The following LAMA2 variants were observed in gnomAD, a reference collection of about 807,000 sequenced individuals.
LAMA2 encodes the protein laminin subunit alpha 2.
LAMA2 carries 269 observed loss-of-function variants against 364.8 expected under a neutral mutation model. The observed-to-expected ratio is 0.74, with a 90% confidence interval of 0.67 to 0.82. The LOEUF is 0.82. Among genes scored for constraint, LAMA2 ranks in the 40% least tolerant of loss-of-function variants. The pLI, the probability that LAMA2 is intolerant of heterozygous loss-of-function variation, is 0.00. For synonymous variants in LAMA2, 1,379 were observed against 1,370.6 expected, an observed-to-expected ratio of 1.01 and a Z score of -0.14; for missense variants, 3,807 against 3,873.2, an observed-to-expected ratio of 0.98 and a Z score of 0.45.
intron 4 of LAMA2, among the ~76,000 whole-genome samples, chr6:129,126,163 T>G (rs1777105003): frequency 6.6e-6 from 1 of 152,174 alleles, no homozygotes; most frequent in African/African-American, 2.4e-5. Context: ...TACACATTAT[T>G]AAATGAACTA....
chr6:129,414,141 C>A (rs1349886944), intron 40 of LAMA2, among the ~76,000 whole-genome samples: 1 of 151,938 alleles, frequency 6.6e-6, no homozygotes, highest in African/African-American at 2.4e-5. Flanking sequence ...GTGAAGTAAA[C>A]AGTAAGTTTA....
At position 129,192,039 on chromosome 6, in the gene LAMA2, C is replaced by A. The variant is rs139834860; in HGVS notation, c.1609-641C>A. On this transcript the variant is annotated intron_variant, in intron 11 of 64. Transcript: ENST00000421865. ...CAGGGATCTAGGCTGTAGGTCCCCA[C>A]AGCACTTCTGACCCTATCTGAAGGA... Among the ~76,000 whole-genome samples, 637 of 152,340 alleles carry A rather than the reference C, an allele frequency of 4.2e-3. 8 individuals carry two copies. The highest frequency in any genetic ancestry group is 0.013 in the African/African-American group (540 of 41,572).
chr6:129,112,895 T>C (rs1316222970), intron 4 of LAMA2, among the ~76,000 whole-genome samples: 2 of 151,970 alleles, frequency 1.3e-5, no homozygotes, highest in Non-Finnish European at 2.9e-5. Flanking sequence ...AGAGGCTGCT[T>C]GTACCAAACT....
In LAMA2 at chr6:129,165,589, A is replaced by G; in HGVS notation, c.1220A>G (p.Tyr407Cys). Reference protein sequence around the residue: ...FFRPKGVSPNYPRPCQPCHCD... With the variant: ...FFRPKGVSPNCPRPCQPCHCD... ...TATTTTTGTTAGGTATCTCCAAATT[A>G]TCCAAGGCCATGCCAGCCATGTCAT... Residue 407 changes from tyrosine (Y) to cysteine (C), a missense_variant, in exon 9 of 65, where the codon TAT becomes TGT. Physicochemically the swap from Tyr to Cys is radical, Grantham distance 194 (BLOSUM62 -2). Around this residue, in one of 3 missense-constraint regions of LAMA2, gnomAD observed 80 missense variants for 124.0 expected, o/e 0.65. Coordinates refer to ENST00000421865, the MANE Select transcript of LAMA2 (RefSeq NM_000426.4). 1 of 1,611,068 alleles carries G rather than the reference A, an allele frequency of 6.2e-7. No individual in the cohort carries two copies. Among genetic ancestry groups the G allele is most frequent in the South Asian group, 1.1e-5 (1 of 90,876 alleles).
chr6:129,054,164 A>T (rs1238586792), intron 2 of LAMA2, among the ~76,000 whole-genome samples: 1 of 152,204 alleles, frequency 6.6e-6, no homozygotes, highest in East Asian at 1.9e-4. Context: ...CTGCTGAGGA[A>T]AGAAGCAAAC....
Position 128,980,095 on chromosome 6 carries a change from T to C in LAMA2, c.113-69823T>C, listed in dbSNP as rs554605601. ...AGTCAGCAGGGGGCTCCAGGAATCA[T>C]AATTGCTGATATAGCCACCTGACAG... On this transcript the variant is annotated intron_variant, in intron 1 of 64. Transcript: ENST00000421865. Among the ~76,000 whole-genome samples, 6 of 152,292 alleles carry C rather than the reference T, an allele frequency of 3.9e-5. No individual in the cohort carries two copies. The East Asian group carries it at 5.8e-4, about 15-fold the overall frequency.
intron 3 of LAMA2, among the ~76,000 whole-genome samples, chr6:129,061,845 G>A (rs893126236): frequency 1.3e-5 from 2 of 152,134 alleles, no homozygotes; most frequent in Non-Finnish European, 2.9e-5. Flanking sequence ...TGTTCAAATT[G>A]TCCCATATTC....
Position 129,037,527 on chromosome 6 carries a change from T to G in LAMA2, c.113-12391T>G, listed in dbSNP as rs570276849. ...AACTTGACTATAAATGTTGAGACAT[T>G]TTTCGAGAAATACATACACATGTGT... On this transcript the variant is annotated intron_variant, in intron 1 of 64. Transcript: ENST00000421865. 2.0e-5 allele frequency among the ~76,000 whole-genome samples: 3 copies of G among 152,282 alleles called. No homozygotes were observed. The South Asian group carries it at 6.2e-4, about 32-fold the overall frequency.
At chr6:129,252,413 A>C (rs1219930736) in intron 14 of LAMA2, 118 bp downstream of exon 14, 2 of 731,710 alleles carry the variant, frequency 2.7e-6, no homozygotes, top group Non-Finnish European at 4.8e-6. Flanking sequence ...CAAAGAGCAG[A>C]TAAGAACGGA....
chr6:129,411,657 G>A (rs1392555903), intron 40 of LAMA2, among the ~76,000 whole-genome samples: 2 of 151,386 alleles, frequency 1.3e-5, no homozygotes, highest in East Asian at 1.9e-4. Context: ...TTACTCTTAT[G>A]TGACAGATCA....
At chr6:129,166,361 C>T (rs1054648557) in intron 9 of LAMA2, among the ~76,000 whole-genome samples, 1 of 152,154 alleles carries the variant, frequency 6.6e-6, no homozygotes, top group Non-Finnish European at 1.5e-5. Flanking sequence ...CACTGGGACG[C>T]TTCTTCTCTA....
At chr6:129,246,572 G>C (rs1461846521) in intron 12 of LAMA2, among the ~76,000 whole-genome samples, 3 of 152,160 alleles carry the variant, frequency 2.0e-5, no homozygotes, top group Non-Finnish European at 2.9e-5. Context: ...AATGACGTTA[G>C]GGATCCCAGA....
In LAMA2 at chr6:129,162,892, AG is replaced by A. The variant is rs34993873; in HGVS notation, c.1207-2676del. On this transcript the variant is annotated intron_variant, in intron 8 of 64. Transcript: ENST00000421865. Reference sequence around the variant, plus strand: ...GAAGGGGAGAATGAAGAGAACTAGGAGGGGGGGGAAGAAGAGGAGGAAGAAT... The same window carrying A: ...GAAGGGGAGAATGAAGAGAACTAGGAGGGGGGGAAGAAGAGGAGGAAGAAT... Among the ~76,000 whole-genome samples the A allele has an allele frequency of 3.7e-3, 546 of 148,722 alleles. 4 individuals are homozygous for A. The highest frequency in any genetic ancestry group is 0.014 in the Middle Eastern group (4 of 292).
chr6:128,919,825 A>G (rs1209448382), intron 1 of LAMA2, among the ~76,000 whole-genome samples: 1 of 152,192 alleles, frequency 6.6e-6, no homozygotes, highest in Non-Finnish European at 1.5e-5. Flanking sequence ...CATCCCAGTT[A>G]GTCTCTGACA....
At chr6:129,158,430 G>A in intron 8 of LAMA2, 2 of 1,613,862 alleles carry the variant, frequency 1.2e-6, no homozygotes, top group African/African-American at 2.7e-5. Context: ...AATCTGTTTG[G>A]CAATAGTTCG....
At chr6:129,229,809 C>T (rs1784563189) in intron 12 of LAMA2, among the ~76,000 whole-genome samples, 1 of 152,060 alleles carries the variant, frequency 6.6e-6, no homozygotes. Context: ...TGGACCTGAG[C>T]AACTAAAAGA....
intron 22 of LAMA2, among the ~76,000 whole-genome samples, chr6:129,310,089 C>T (rs1364517919): frequency 6.6e-6 from 1 of 151,460 alleles, no homozygotes; most frequent in Non-Finnish European, 1.5e-5. Context: ...TTAGTAGAGA[C>T]GGGGTTTCAC....
intron 1 of LAMA2, among the ~76,000 whole-genome samples, chr6:128,995,532 C>G (rs1306720653): frequency 6.6e-6 from 1 of 152,134 alleles, no homozygotes. Context: ...CCGTGTTGGC[C>G]GGGCTGGTCT....
At chr6:129,178,411 G>T (rs1277926326) in intron 10 of LAMA2, among the ~76,000 whole-genome samples, 1 of 152,080 alleles carries the variant, frequency 6.6e-6, no homozygotes, top group Non-Finnish European at 1.5e-5. Flanking sequence ...AACTTTATTT[G>T]TTGTACATGC....
Sources: allele counts gnomAD v4.1 joint callset (sites outside exome capture counted in the v4.1 genomes callset), GRCh38; gene constraint gnomAD v4.1.1; regional missense constraint gnomAD v4.1.1; transcripts MANE v1.5; gene names NCBI Gene and HGNC (gene_info 2026-07-23, HGNC 2026-07-21).